Variants in TMEM74 observed in about 807,000 individuals in gnomAD.
TMEM74 encodes the protein transmembrane protein 74.
TMEM74 carries 13 observed loss-of-function variants against 18.1 expected under a neutral mutation model. The observed-to-expected ratio is 0.72, with a 90% CI of 0.47 to 1.14. TMEM74 has a LOEUF of 1.14. Among genes scored for constraint, TMEM74 ranks in the 50% most tolerant of loss-of-function variants. The pLI is 0.00. For missense variants in TMEM74, 372 were observed against 375.9 expected, an observed-to-expected ratio of 0.99 and a Z score of 0.09; for synonymous variants, 159 against 146.6, an observed-to-expected ratio of 1.08 and a Z score of -0.61.
chr8:108,760,462 A>G (rs1177403547), intron 1 of TMEM74, among the ~76,000 whole-genome samples: 2 of 152,032 alleles, frequency 1.3e-5, no homozygotes. Flanking sequence ...GATTATTAGC[A>G]AGCCTGTTCT....
intron 2 of TMEM74, among the ~76,000 whole-genome samples, chr8:108,615,475 C>T (rs148213368): frequency 7.9e-5 from 12 of 152,286 alleles, no homozygotes; most frequent in African/African-American, 2.6e-4. Context: ...TACTTTTCAG[C>T]CACTTCTCTA....
At chr8:108,691,429 G>A (rs1813230007) in intron 1 of TMEM74, among the ~76,000 whole-genome samples, 1 of 152,160 alleles carries the variant, frequency 6.6e-6, no homozygotes, top group African/African-American at 2.4e-5. Flanking sequence ...TGAGTATATG[G>A]TCATTTGTGT....
chr8:108,649,706 G>A (rs1439267961), intron 2 of TMEM74, among the ~76,000 whole-genome samples: 3 of 152,056 alleles, frequency 2.0e-5, no homozygotes, highest in Non-Finnish European at 4.4e-5. Context: ...TAATCCTAAC[G>A]TCCTTTATCT....
At chr8:108,623,651 A>C (rs1462173830) in intron 2 of TMEM74, among the ~76,000 whole-genome samples, 2 of 152,074 alleles carry the variant, frequency 1.3e-5, no homozygotes, top group Non-Finnish European at 2.9e-5. Context: ...TTGCAAGTGC[A>C]AATAGAGTTT....
chr8:108,712,557 G>A (rs1039165), intron 1 of TMEM74, among the ~76,000 whole-genome samples: 32,747 of 151,976 alleles, frequency 0.22, 3,675 homozygotes, highest in East Asian at 0.29. Context: ...CTCTGAGTAC[G>A]CATATCAGGC....
chr8:108,665,630 T>C lies in TMEM74; in HGVS notation n.120-10193A>G, dbSNP rs2037524935. Among the ~76,000 whole-genome samples the C allele has an allele frequency of 3.9e-5, 6 of 152,274 alleles. 1 individual carries two copies. In the South Asian group the frequency reaches 1.2e-3, roughly 32 times the overall value. ...GGTAAATGGAGATGCTTAAAGTTAG[T>C]ATGCCTAAAGTTAAGATTGGTCCTT... On this transcript the variant is annotated intron_variant and non_coding_transcript_variant, in intron 1 of 3. Coordinates refer to the TMEM74 transcript ENST00000518838.
At chr8:108,777,407 A>C (rs1284692252), downstream of TMEM74, among the ~76,000 whole-genome samples, 1 of 152,182 alleles carries the variant, frequency 6.6e-6, no homozygotes, top group African/African-American at 2.4e-5. Context: ...TCCAAGGAAA[A>C]GTGTCAGCAT....
chr8:108,672,833 G>T (rs961186395), intron 1 of TMEM74, among the ~76,000 whole-genome samples: 1 of 152,146 alleles, frequency 6.6e-6, no homozygotes, highest in African/African-American at 2.4e-5. Flanking sequence ...TCAAGAACAG[G>T]TTAGCAAGAC....
chr8:108,763,916 C>T (rs1415944166), intron 1 of TMEM74, among the ~76,000 whole-genome samples: 1 of 152,142 alleles, frequency 6.6e-6, no homozygotes, highest in Non-Finnish European at 1.5e-5. Context: ...CACAGCTTGA[C>T]ATAACAGTAT....
At chr8:108,681,179 A>G (rs1382847600) in intron 1 of TMEM74, among the ~76,000 whole-genome samples, 1 of 152,202 alleles carries the variant, frequency 6.6e-6, no homozygotes, top group African/African-American at 2.4e-5. Flanking sequence ...TAAAGTTCAT[A>G]TGGAACCAAA....
intron 1 of TMEM74, among the ~76,000 whole-genome samples, chr8:108,741,846 T>C (rs751171617): frequency 3.9e-5 from 6 of 152,154 alleles, no homozygotes; most frequent in Admixed American, 6.6e-5. Context: ...CGCTTTGGCC[T>C]ACTAGAATTT....
chr8:108,634,043 G>T (rs1404210270), intron 2 of TMEM74, among the ~76,000 whole-genome samples: 1 of 151,988 alleles, frequency 6.6e-6, no homozygotes, highest in Non-Finnish European at 1.5e-5. Flanking sequence ...CCACGTAGAA[G>T]ATGACAAAAG....
intron 2 of TMEM74, among the ~76,000 whole-genome samples, chr8:108,619,758 C>T (rs995502914): frequency 3.3e-5 from 5 of 152,166 alleles, no homozygotes; most frequent in Non-Finnish European, 7.4e-5. Context: ...GAAGCTACAC[C>T]ATTTTGCTGT....
At position 108,610,829 on chromosome 8, in the gene TMEM74, C is replaced by T. The variant is rs568124715; in HGVS notation, n.265-2003G>A. Among the ~76,000 whole-genome samples, 4 of 152,274 alleles carry T rather than the reference C, an allele frequency of 2.6e-5. No homozygotes were observed. The East Asian group carries it at 7.7e-4, about 29-fold the overall frequency. Reference sequence around the variant, plus strand: ...TCTGAATAAGTTGTATGAGAGGCCACTAGAGGGTTTTGAGCAAAGACAAAA... The same window carrying T: ...TCTGAATAAGTTGTATGAGAGGCCATTAGAGGGTTTTGAGCAAAGACAAAA... On this transcript the variant is annotated intron_variant and non_coding_transcript_variant, in intron 2 of 3. Coordinates refer to the TMEM74 transcript ENST00000518838.
chr8:108,680,665 G>A (rs1186437624), intron 1 of TMEM74, among the ~76,000 whole-genome samples: 3 of 152,166 alleles, frequency 2.0e-5, no homozygotes, highest in South Asian at 4.1e-4. Flanking sequence ...GTTCTGGCCA[G>A]GGCAATTAGG....
chr8:108,702,518 C>A (rs1207526700), intron 1 of TMEM74, among the ~76,000 whole-genome samples: 1 of 151,756 alleles, frequency 6.6e-6, no homozygotes, highest in Non-Finnish European at 1.5e-5. Flanking sequence ...CATCTTACAC[C>A]CTTCACAAAA....
chr8:108,713,681 G>A (rs770323957), intron 1 of TMEM74, among the ~76,000 whole-genome samples: 1 of 152,184 alleles, frequency 6.6e-6, no homozygotes, highest in Non-Finnish European at 1.5e-5. Context: ...ATTAGTCAGG[G>A]TTCTCCAAAG....
At chr8:108,726,068 T>G (rs1049583773) in intron 1 of TMEM74, among the ~76,000 whole-genome samples, 1 of 152,164 alleles carries the variant, frequency 6.6e-6, no homozygotes, top group Admixed American at 6.5e-5. Context: ...TATGGACATT[T>G]CGGGCCATAT....
At chr8:108,653,907 G>A (rs1812797310) in intron 2 of TMEM74, among the ~76,000 whole-genome samples, 1 of 152,066 alleles carries the variant, frequency 6.6e-6, no homozygotes, top group South Asian at 2.1e-4. Flanking sequence ...TAAAATGTCT[G>A]TACCATTGGG....
Sources: gnomAD v4.1 joint callset for allele counts (sites outside exome capture counted in the v4.1 genomes callset) on GRCh38, gnomAD v4.1.1 for gene constraint, MANE v1.5 for transcripts, NCBI Gene and HGNC (gene_info 2026-07-23, HGNC 2026-07-21) for gene names.